Variants in BTBD9 observed in about 807,000 individuals in gnomAD.
The protein encoded by BTBD9 is BTB domain containing 9.
Under a neutral mutation model 64.3 loss-of-function variants are expected in BTBD9, and 49 were observed. The ratio of observed to expected loss-of-function variants is 0.76; its 90% confidence interval spans 0.61 to 0.97. The LOEUF (loss-of-function observed/expected upper bound fraction) is 0.97. Among genes scored for constraint, BTBD9 ranks in the 50% least tolerant of loss-of-function variants. The probability of loss-of-function intolerance (pLI) is 0.00; values close to 1 mark genes in which losing one functional copy is unlikely to be tolerated. For missense variants in BTBD9, 598 were observed against 762.1 expected, an observed-to-expected ratio of 0.78 and a Z score of 2.53; for synonymous variants, 260 against 274.7, an observed-to-expected ratio of 0.95 and a Z score of 0.53.
At chr6:38,213,825 C>CA (rs1190180474) in intron 9 of BTBD9, among the ~76,000 whole-genome samples, 14 of 151,164 alleles carry the variant, frequency 9.3e-5, no homozygotes, top group Admixed American at 5.9e-4. Flanking sequence ...ACTAAAAATA[C>CA]AAAAAAAATT....
intron 6 of BTBD9, among the ~76,000 whole-genome samples, chr6:38,478,532 T>C (rs1452019924): frequency 1.3e-5 from 2 of 152,208 alleles, no homozygotes; most frequent in East Asian, 3.9e-4. Context: ...TGACCCTTTC[T>C]GCATCATTGA....
At chr6:38,556,338 T>C (rs891863145) in intron 6 of BTBD9, among the ~76,000 whole-genome samples, 1 of 152,170 alleles carries the variant, frequency 6.6e-6, no homozygotes, top group Non-Finnish European at 1.5e-5. Flanking sequence ...ATTCACTAAC[T>C]ATAACAGCAA....
intron 6 of BTBD9, among the ~76,000 whole-genome samples, chr6:38,554,652 T>C (rs1486949938): frequency 6.6e-6 from 1 of 152,206 alleles, no homozygotes; most frequent in Non-Finnish European, 1.5e-5. Flanking sequence ...TCAAGTGATA[T>C]ATGTTCTTTT....
chr6:38,457,791 CCAA>C (rs970429087), intron 6 of BTBD9, among the ~76,000 whole-genome samples: 3 of 152,148 alleles, frequency 2.0e-5, no homozygotes, highest in African/African-American at 4.8e-5. Context: ...CTTAAGCACT[CCAA>C]CATCATACTG....
chr6:38,196,592 T>C (rs1762280422), intron 9 of BTBD9, among the ~76,000 whole-genome samples: 1 of 152,170 alleles, frequency 6.6e-6, no homozygotes, highest in Non-Finnish European at 1.5e-5. Context: ...AATAAGTATG[T>C]TTTGAATACA....
At chr6:38,410,072 C>T (rs984157495) in intron 6 of BTBD9, among the ~76,000 whole-genome samples, 8 of 152,066 alleles carry the variant, frequency 5.3e-5, no homozygotes, top group Non-Finnish European at 1.0e-4. Context: ...TCCACTTGCT[C>T]AAAGAAATTA....
At chr6:38,586,658 G>C (rs1010565376) in intron 4 of BTBD9, among the ~76,000 whole-genome samples, 4 of 152,086 alleles carry the variant, frequency 2.6e-5, no homozygotes, top group African/African-American at 9.7e-5. Context: ...AAAATAAACA[G>C]ACCTATCTTT....
At chr6:38,255,634 C>A (rs1764550400) in intron 9 of BTBD9, among the ~76,000 whole-genome samples, 1 of 152,212 alleles carries the variant, frequency 6.6e-6, no homozygotes, top group East Asian at 1.9e-4. Context: ...GCATTAAATG[C>A]CTCTGTTTGC....
intron 6 of BTBD9, among the ~76,000 whole-genome samples, chr6:38,363,038 G>C (rs772219551): frequency 6.6e-6 from 1 of 152,152 alleles, no homozygotes; most frequent in Non-Finnish European, 1.5e-5. Flanking sequence ...AAGAGAAGGT[G>C]TATATTGCCT....
intron 6 of BTBD9, among the ~76,000 whole-genome samples, chr6:38,505,763 G>A (rs1290955662): frequency 1.3e-5 from 2 of 151,408 alleles, no homozygotes; most frequent in East Asian, 1.9e-4. Context: ...TCAGGAGTTC[G>A]AGACCAGACT....
At chr6:38,420,682 T>A (rs796655157) in intron 6 of BTBD9, among the ~76,000 whole-genome samples, 7 of 151,650 alleles carry the variant, frequency 4.6e-5, no homozygotes, top group Non-Finnish European at 8.8e-5. Flanking sequence ...ATGGTGAAAC[T>A]CCATCTCTAC....
intron 7 of BTBD9, among the ~76,000 whole-genome samples, chr6:38,292,864 T>C (rs1277170326): frequency 6.6e-6 from 1 of 152,214 alleles, no homozygotes; most frequent in Non-Finnish European, 1.5e-5. Flanking sequence ...CTGCGAGTTT[T>C]TGAATTTGTT....
intron 6 of BTBD9, among the ~76,000 whole-genome samples, chr6:38,403,429 T>C (rs1767032566): frequency 1.3e-5 from 2 of 152,160 alleles, no homozygotes; most frequent in South Asian, 2.1e-4. Context: ...AGAATCTGGA[T>C]AAGACGTTTT....
intron 6 of BTBD9, among the ~76,000 whole-genome samples, chr6:38,384,321 T>C (rs1306321829): frequency 6.6e-6 from 1 of 152,216 alleles, no homozygotes; most frequent in African/African-American, 2.4e-5. Flanking sequence ...CTAGGCCTAA[T>C]TTGTGTATCT....
intron 6 of BTBD9, among the ~76,000 whole-genome samples, chr6:38,544,860 G>A (rs1269776189): frequency 2.1e-5 from 3 of 143,270 alleles, no homozygotes; most frequent in South Asian, 2.3e-4. Context: ...CCAGGAGGCA[G>A]AGGTTGCAGT....
At chr6:38,504,648 C>CA in intron 6 of BTBD9, 1 of 453,474 alleles carries the variant, frequency 2.2e-6, no homozygotes, top group Admixed American at 2.4e-5. Flanking sequence ...ACCTATCTTT[C>CA]AACCCAGGAA....
chr6:38,324,944 A>T (rs1763364485), intron 7 of BTBD9, among the ~76,000 whole-genome samples: 1 of 152,204 alleles, frequency 6.6e-6, no homozygotes, highest in Admixed American at 6.5e-5. Flanking sequence ...CACGAGAAAA[A>T]TAATGGCACC....
chr6:38,234,870 A>G (rs1326936423), intron 9 of BTBD9, among the ~76,000 whole-genome samples: 4 of 152,246 alleles, frequency 2.6e-5, no homozygotes, highest in Non-Finnish European at 5.9e-5. Context: ...GCTGGTGGCA[A>G]ATACTAGTAA....
chr6:38,349,134 T>C (rs750945184), intron 6 of BTBD9, among the ~76,000 whole-genome samples: 4 of 152,138 alleles, frequency 2.6e-5, no homozygotes, highest in Non-Finnish European at 4.4e-5. Context: ...ACGATTCACC[T>C]GCCTCAGCCT....
Sources: allele counts gnomAD v4.1 joint callset (sites outside exome capture counted in the v4.1 genomes callset), GRCh38; gene constraint gnomAD v4.1.1; transcripts MANE v1.5; gene names NCBI Gene and HGNC (gene_info 2026-07-23, HGNC 2026-07-21).